Variants in LMO1 observed in about 807,000 individuals in gnomAD.
LMO1 encodes the protein LIM domain only 1, also known as rhombotin-1.
In LMO1, 10 loss-of-function variants were observed where a neutral mutation model predicts 18.0. The observed-to-expected ratio is 0.55, with a 90% CI of 0.34 to 0.94. The LOEUF is 0.94. Among genes scored for constraint, LMO1 ranks in the 40% least tolerant of loss-of-function variants. LMO1 has a pLI of 0.02. For synonymous variants in LMO1, 77 were observed against 77.9 expected (o/e 0.99, Z 0.06); for missense variants, 183 against 205.7 (o/e 0.89, Z 0.68).
intron 1 of LMO1, among the ~76,000 whole-genome samples, chr11:8,259,674 A>G (rs1242327874): frequency 6.6e-6 from 1 of 152,082 alleles, no homozygotes; most frequent in Non-Finnish European, 1.5e-5. Context: ...TGGGACGGTC[A>G]TGAGCACACT....
chr11:8,224,792 A>G, intron 3 of LMO1, 71 bp from the exon 4 acceptor site: 1 of 974,060 alleles, frequency 1.0e-6, no homozygotes, highest in Non-Finnish European at 1.6e-6. Context: ...TGCAGACAGA[A>G]GCCGGCCTGG....
intron 3 of LMO1, among the ~76,000 whole-genome samples, chr11:8,225,307 G>A (rs1952515207): frequency 6.7e-6 from 1 of 149,396 alleles, no homozygotes; most frequent in Non-Finnish European, 1.5e-5. Flanking sequence ...TCGGGAGGCT[G>A]AGGCAGAGGA....
rs374592242 is a variant in LMO1, at chr11:8,241,680, T to TCC, written c.26-11177_26-11176insGG. Among the ~76,000 whole-genome samples, 443 of 152,324 alleles carry TCC rather than the reference T, an allele frequency of 2.9e-3. 2 individuals are homozygous for TCC. Among genetic ancestry groups the TCC allele is most frequent in the African/African-American group, 0.01 (428 of 41,564 alleles). ...AAATGTCATCTCCTCAGAGAAGCCT[T>TCC]TCTTGACCTCCTTATTTCATTATTT... On this transcript the variant is annotated intron_variant, in intron 1 of 3. Transcript: ENST00000335790.
intron 1 of LMO1, among the ~76,000 whole-genome samples, chr11:8,251,858 T>G (rs1847001657): frequency 1.7e-5 from 1 of 60,534 alleles, no homozygotes. Context: ...TGCGTGTGTG[T>G]GTGAATGTGT....
chr11:8,255,818 CTTTTTTTTTT>C (rs57425549), intron 1 of LMO1, among the ~76,000 whole-genome samples: 2 of 86,362 alleles, frequency 2.3e-5, no homozygotes, highest in African/African-American at 1.0e-4. Flanking sequence ...CAATGCCGCA[CTTTTTTTTTT>C]TTTTTTTTTT....
At chr11:8,251,432 G>A (rs951111559) in intron 1 of LMO1, among the ~76,000 whole-genome samples, 12 of 152,148 alleles carry the variant, frequency 7.9e-5, no homozygotes, top group South Asian at 2.1e-4. Context: ...CGCCTCCACC[G>A]CCCCGTAACA....
chr11:8,224,641 C>CA lies in LMO1; in HGVS notation c.445_446insT (p.Gly149ValfsTer4). On this transcript the variant is annotated frameshift_variant, in exon 4 of 4. Transcript: ENST00000335790. LOFTEE classifies it high-confidence loss of function. ...TTACTGAACTTGGGATTCAAAGGTG[C>CA]CATTGAGCTGCCCTTCCTCATAGTC... The CA allele has an allele frequency of 6.2e-7, 1 of 1,608,274 alleles. No homozygotes were observed. Among genetic ancestry groups the CA allele is most frequent in the Non-Finnish European group, 8.5e-7 (1 of 1,176,820 alleles).
intron 1 of LMO1, among the ~76,000 whole-genome samples, chr11:8,250,925 C>T (rs561655595): frequency 1.8e-4 from 27 of 152,302 alleles, no homozygotes; most frequent in African/African-American, 6.3e-4. Context: ...CCAGGGGTCC[C>T]CTCTACCTCC....
chr11:8,254,758 C>G (rs2134576421), intron 1 of LMO1, among the ~76,000 whole-genome samples: 1 of 152,310 alleles, frequency 6.6e-6, no homozygotes, highest in Non-Finnish European at 1.5e-5. Flanking sequence ...GAGTGTCTTT[C>G]TCTCCATCCC....
upstream of LMO1, among the ~76,000 whole-genome samples, chr11:8,267,584 A>G (rs1847274111): frequency 6.6e-6 from 1 of 152,198 alleles, no homozygotes; most frequent in Non-Finnish European, 1.5e-5. Context: ...AGTTGGACCC[A>G]GGGATGGATG....
intron 1 of LMO1, among the ~76,000 whole-genome samples, chr11:8,233,279 G>A (rs888183632): frequency 5.9e-5 from 9 of 152,140 alleles, no homozygotes; most frequent in South Asian, 2.1e-4. Context: ...GACCTCCCAC[G>A]AGAAAGGCTG....
intron 1 of LMO1, among the ~76,000 whole-genome samples, chr11:8,247,242 C>A (rs1010549086): frequency 6.6e-6 from 1 of 152,174 alleles, no homozygotes; most frequent in African/African-American, 2.4e-5. Flanking sequence ...ATGCTACATG[C>A]ATAATGAATA....
intron 1 of LMO1, among the ~76,000 whole-genome samples, chr11:8,256,284 C>T (rs1847096642): frequency 6.6e-6 from 1 of 152,208 alleles, no homozygotes; most frequent in Non-Finnish European, 1.5e-5. Context: ...CAAGTGTGTG[C>T]TTGGACATAA....
rs527279801 is a variant in LMO1, at chr11:8,229,149, A to G, written c.239+1142T>C. On this transcript the variant is annotated intron_variant, in intron 2 of 3. Transcript: ENST00000335790. ...GTGACGTGCCTGCCTCGGCCTCCCA[A>G]AGTGCTGGAGTTACAGGCATAAGCC... is the stretch of plus-strand genomic sequence containing the variant. 3.9e-5 allele frequency among the ~76,000 whole-genome samples: 6 copies of G among 152,094 alleles called. No individual in the cohort carries two copies. The East Asian group carries it at 1.2e-3, about 29-fold the overall frequency.
At chr11:8,234,040 T>A (rs1952718336) in intron 1 of LMO1, among the ~76,000 whole-genome samples, 1 of 152,040 alleles carries the variant, frequency 6.6e-6, no homozygotes, top group South Asian at 2.1e-4. Flanking sequence ...GGGCACACAC[T>A]CAGATGCATG....
intron 1 of LMO1, among the ~76,000 whole-genome samples, chr11:8,233,898 C>T (rs1004312103): frequency 2.6e-5 from 4 of 152,202 alleles, no homozygotes; most frequent in African/African-American, 9.6e-5. Flanking sequence ...TTTTAATGTA[C>T]TCCTGACTTT....
At chr11:8,258,942 T>C (rs1195533153) in intron 1 of LMO1, among the ~76,000 whole-genome samples, 1 of 152,194 alleles carries the variant, frequency 6.6e-6, no homozygotes, top group Non-Finnish European at 1.5e-5. Context: ...CTAATGCTCC[T>C]GAAAGGCTCT....
chr11:8,227,777 C>G (rs1054228008), intron 2 of LMO1, among the ~76,000 whole-genome samples: 6 of 152,206 alleles, frequency 3.9e-5, no homozygotes, highest in African/African-American at 1.4e-4. Context: ...GTCCAGAAGG[C>G]GTGCTCTAAA....
At chr11:8,240,745 C>T (rs776567838) in intron 1 of LMO1, among the ~76,000 whole-genome samples, 11 of 152,084 alleles carry the variant, frequency 7.2e-5, no homozygotes, top group Admixed American at 3.9e-4. Flanking sequence ...GGCCCCATCT[C>T]CTAACACTAT....
Sources: gnomAD v4.1 joint callset for allele counts (sites outside exome capture counted in the v4.1 genomes callset) on GRCh38, gnomAD v4.1.1 for gene constraint, MANE v1.5 for transcripts, NCBI Gene and HGNC (gene_info 2026-07-23, HGNC 2026-07-21) for gene names.